Variants in MYCBPAP observed in about 807,000 individuals in gnomAD.
MYCBPAP encodes the protein MYCBP associated protein.
In MYCBPAP, 60 loss-of-function variants were observed where a neutral mutation model predicts 106.1. The ratio of observed to expected loss-of-function variants is 0.57; its 90% CI spans 0.46 to 0.70. The LOEUF is 0.70. Ranked by LOEUF, MYCBPAP falls within the 30% of genes least tolerant of loss-of-function variation. MYCBPAP has a pLI of 0.00. For missense variants in MYCBPAP, 1,064 were observed against 1,169.3 expected, an observed-to-expected ratio of 0.91 and a Z score of 1.31; for synonymous variants, 407 against 440.6, an observed-to-expected ratio of 0.92 and a Z score of 0.95.
Position 50,525,989 on chromosome 17 carries a change from A to G in MYCBPAP, c.1891A>G (p.Ser631Gly), listed in dbSNP as rs970837768. Residue 631 changes from serine (S) to glycine (G), a missense_variant, in exon 14 of 19, where the codon AGC becomes GGC. Transcript: ENST00000323776. ...EARPGDKEHV[S>G]PIATEKASVN... ...CAGGCCAGGGGACAAGGAGCACGTC[A>G]GCCCCATAGCCACAGAGAAGGCCTC... 4 of 1,613,774 alleles carry G rather than the reference A, an allele frequency of 2.5e-6. No individual in the cohort carries two copies. In the Admixed American group the frequency reaches 5.0e-5, roughly 20 times the overall value.
chr17:50,531,091 G>A (rs1429705980), intron 18 of MYCBPAP, among the ~76,000 whole-genome samples: 3 of 151,258 alleles, frequency 2.0e-5, no homozygotes, highest in Non-Finnish European at 4.4e-5. Context: ...AGTCAAGGCT[G>A]CAGTGAGCCA....
intron 1 of MYCBPAP, among the ~76,000 whole-genome samples, chr17:50,510,969 A>G (rs560744283): frequency 1.3e-5 from 2 of 152,092 alleles, no homozygotes; most frequent in African/African-American, 2.4e-5. Context: ...AATCAAGGAA[A>G]GATTTTTCAC....
intron 10 of MYCBPAP, chr17:50,522,368 G>T: frequency 3.4e-6 from 1 of 292,578 alleles, no homozygotes. Flanking sequence ...TTCTTCAGAT[G>T]CTAAGGAATA....
In MYCBPAP at chr17:50,508,679, A is replaced by G; in HGVS notation, c.5A>G (p.Lys2Arg). ...TTCATGGTGCCGGGCGGCACCATGA[A>G]GTCTCTAAAGAAGGATTCCCGCCTC... M[K>R]SLKKDSRLRI... is the part of the protein sequence containing the mutation. Residue 2 changes from lysine to arginine, a missense_variant, in exon 1 of 19, where the codon AAG becomes AGG. Transcript: ENST00000323776. The G allele has an allele frequency of 6.2e-7, 1 of 1,606,468 alleles. No homozygotes were observed. The highest frequency in any genetic ancestry group is 8.5e-7 in the Non-Finnish European group (1 of 1,175,272).
upstream of MYCBPAP, among the ~76,000 whole-genome samples, chr17:50,507,975 C>A (rs1412813879): frequency 6.6e-6 from 1 of 152,200 alleles, no homozygotes; most frequent in East Asian, 1.9e-4. Context: ...CAAGTCAGGG[C>A]AAAAGTTTTG....
chr17:50,522,144 C>A, intron 10 of MYCBPAP, 63 bp downstream of exon 10: 1 of 1,363,596 alleles, frequency 7.3e-7, no homozygotes, highest in Non-Finnish European at 1.0e-6. Flanking sequence ...CCTGAGGTGA[C>A]TGGCAGTTAC....
At chr17:50,520,907 A>G in intron 7 of MYCBPAP, 1 of 553,836 alleles carries the variant, frequency 1.8e-6, no homozygotes, top group East Asian at 3.0e-5. Flanking sequence ...GGCTATTTGG[A>G]AGCTAATTTT....
Position 50,523,157 on chromosome 17 carries a change from A to T in MYCBPAP, c.1447+29A>T, listed in dbSNP as rs1345479901. 3 of 1,603,466 alleles carry T rather than the reference A, an allele frequency of 1.9e-6. No homozygotes were observed. In the Admixed American group the frequency reaches 5.0e-5, roughly 27 times the overall value. On this transcript the variant is annotated intron_variant, in intron 11 of 18. Transcript: ENST00000323776. ...CTCGGGAGAAGCCACCCTATGTGCT[A>T]GCTCCTGTCTGGGGCTGGTTTTGTC...
At chr17:50,522,783 T>G (rs1597838267) in intron 10 of MYCBPAP, 156 bp from the exon 11 acceptor site, 3 of 496,332 alleles carry the variant, frequency 6.0e-6, no homozygotes, top group East Asian at 3.3e-5. Flanking sequence ...CACGCTGGAG[T>G]AGGATACCAC....
Position 50,528,416 on chromosome 17 carries a change from G to C in MYCBPAP, c.2407+146G>C. ...TGGAGTAGGCCCCTTACCCCTTTCTGTCCGCTGCCAGGATGTGGTACCCAG... is the reference window on the plus strand; with the variant it reads ...TGGAGTAGGCCCCTTACCCCTTTCTCTCCGCTGCCAGGATGTGGTACCCAG... On this transcript the variant is annotated intron_variant, in intron 16 of 18. Coordinates refer to ENST00000323776, the MANE Select transcript of MYCBPAP (RefSeq NM_032133.6). 3 of 819,942 alleles carry C rather than the reference G, an allele frequency of 3.7e-6. No homozygotes were observed. In the South Asian group the frequency reaches 5.3e-5, roughly 15 times the overall value. The allele number at this position is 819,942 out of a possible 1,614,324, so 50.8% of individuals were successfully genotyped here. A position where few individuals can be genotyped will look rare whatever the true frequency, so the allele number is the denominator to read the frequency against.
At position 50,524,937 on chromosome 17, in the gene MYCBPAP, A is replaced by G; in HGVS notation, c.1696A>G (p.Met566Val). Reference protein sequence around the residue: ...VVREVLQELLMGVLTPERTPS... With the variant: ...VVREVLQELLVGVLTPERTPS... ...TCGCGAAGTGCTGCAGGAGCTGCTGATGGGGGTCTTGACCCCGGAGCGCAC... is the reference window on the plus strand; with the variant it reads ...TCGCGAAGTGCTGCAGGAGCTGCTGGTGGGGGTCTTGACCCCGGAGCGCAC... The change falls in exon 13 of 19, where the codon ATG becomes GTG. Residue 566 changes from methionine to valine, a missense_variant. Met to Val is a conservative substitution (Grantham distance 21). Coordinates refer to ENST00000323776, the MANE Select transcript of MYCBPAP (RefSeq NM_032133.6). The G allele has an allele frequency of 6.2e-7, 1 of 1,614,000 alleles. No individual in the cohort carries two copies. Among genetic ancestry groups the G allele is most frequent in the Non-Finnish European group, 8.5e-7 (1 of 1,179,998 alleles).
At chr17:50,508,832 G>A in intron 1 of MYCBPAP, 82 bp downstream of exon 1, 1 of 1,236,778 alleles carries the variant, frequency 8.1e-7, no homozygotes, top group Non-Finnish European at 1.2e-6. Context: ...ACGGGGCCTG[G>A]AGGATGGGGA....
At position 50,524,302 on chromosome 17, in the gene MYCBPAP, G is replaced by A. The variant is rs531218177; in HGVS notation, c.1635+518G>A. ...TTCACAGTGTGGCCATTTGAGCCGT[G>A]CATCCTGGGATTTGGTGGAAAGCTG... On this transcript the variant is annotated intron_variant, in intron 12 of 18. Coordinates refer to ENST00000323776, the MANE Select transcript of MYCBPAP (RefSeq NM_032133.6). 1.4e-4 allele frequency among the ~76,000 whole-genome samples: 21 copies of A among 152,296 alleles called. 2 individuals are homozygous for A. The South Asian group carries it at 4.3e-3, about 32-fold the overall frequency.
intron 2 of MYCBPAP, among the ~76,000 whole-genome samples, chr17:50,516,954 A>G (rs986866879): frequency 2.0e-5 from 3 of 152,250 alleles, no homozygotes; most frequent in African/African-American, 7.2e-5. Context: ...GGTAGGTGCC[A>G]TCATTCCCAT....
Position 50,523,779 on chromosome 17 carries a change from C to T in MYCBPAP, c.1630C>T (p.Leu544=). The stretch of plus-strand genomic sequence containing the variant: ...CGTTTTTGAGGATGAGAGGAAAGTA[C>T]TGGAGGTAAGGGACCCAGGACCATG... ...QDVFEDERKV[L]ESKLTAHEAV... The change falls in exon 12 of 19, where the codon CTG becomes TTG. Residue 544 remains leucine, a synonymous_variant. Transcript: ENST00000323776. 1.2e-6 allele frequency: 2 copies of T among 1,613,836 alleles called. No homozygotes were observed. Among genetic ancestry groups the T allele is most frequent in the South Asian group, 1.1e-5 (1 of 91,060 alleles).
At chr17:50,529,374 G>T in intron 18 of MYCBPAP, 186 bp downstream of exon 18, 1 of 589,510 alleles carries the variant, frequency 1.7e-6, no homozygotes. Context: ...TGATGAGTAC[G>T]ACGGGAGAGA....
chr17:50,509,544 GT>G, intron 1 of MYCBPAP: 1 of 85,088 alleles, frequency 1.2e-5, no homozygotes, highest in South Asian at 2.4e-4. Flanking sequence ...TTCTGTGTGT[GT>G]GTGTGTGTGT....
chr17:50,525,067 G>A (rs550381936), intron 13 of MYCBPAP, 44 bp downstream of exon 13: 19 of 1,578,872 alleles, frequency 1.2e-5, no homozygotes, highest in East Asian at 6.8e-5. Flanking sequence ...TGTGCCCTGC[G>A]TCAAGGGTCC....
rs756715991 is a variant in MYCBPAP at position 50,527,287 on chromosome 17, G to A, written c.2170G>A (p.Ala724Thr). 6.2e-7 allele frequency: 1 copy of A among 1,613,890 alleles called. No homozygotes were observed. Among genetic ancestry groups the A allele is most frequent in the Non-Finnish European group, 8.5e-7 (1 of 1,179,962 alleles). The change falls in exon 15 of 19, where the codon GCA becomes ACA. Residue 724 changes from alanine (A) to threonine (T), a missense_variant and splice_region_variant. Transcript: ENST00000323776. The stretch of plus-strand genomic sequence containing the variant: ...AGAATGGTGCCCATGACCCTGCCAG[G>A]CAGTGATGGTGCTCCCTGATGAGAA... Reference protein sequence around the residue: ...WNLCLEDFRKAVMVLPDENHR... With the variant: ...WNLCLEDFRKTVMVLPDENHR...
Sources: allele counts gnomAD v4.1 joint callset (sites outside exome capture counted in the v4.1 genomes callset), GRCh38; gene constraint gnomAD v4.1.1; transcripts MANE v1.5; gene names NCBI Gene and HGNC (gene_info 2026-07-23, HGNC 2026-07-21).